VWC2: variants seen among roughly 807,000 people sequenced by gnomAD.
VWC2 encodes the protein von Willebrand factor C domain containing 2.
A neutral mutation model predicts 29.8 loss-of-function variants in VWC2; 14 were observed. That is an observed-to-expected ratio of 0.47 (90% CI 0.31 to 0.74). The LOEUF (loss-of-function observed/expected upper bound fraction) is 0.74. VWC2 is among the 30% of genes least tolerant of loss of function. The probability of loss-of-function intolerance (pLI) is 0.05; values close to 1 mark genes in which losing one functional copy is unlikely to be tolerated. For synonymous variants in VWC2, 213 were observed against 199.0 expected, an observed-to-expected ratio of 1.07 and a Z score of -0.59; for missense variants, 457 against 459.8, an observed-to-expected ratio of 0.99 and a Z score of 0.05.
At chr7:49,890,737 A>C (rs1365928400) in intron 3 of VWC2, among the ~76,000 whole-genome samples, 1 of 152,154 alleles carries the variant, frequency 6.6e-6, no homozygotes, top group South Asian at 2.1e-4. Context: ...AAACAAAAAA[A>C]AAAAAAACTG....
At chr7:49,859,808 A>G (rs867053452) in intron 3 of VWC2, among the ~76,000 whole-genome samples, 2,060 of 152,298 alleles carry the variant, frequency 0.014, 54 homozygotes, top group African/African-American at 0.047. Context: ...ACACACACAC[A>G]CACACACACA....
intron 3 of VWC2, among the ~76,000 whole-genome samples, chr7:49,818,596 C>T (rs930496000): frequency 2.0e-5 from 3 of 151,912 alleles, no homozygotes; most frequent in African/African-American, 7.2e-5. Context: ...TGCAGGACCC[C>T]GAGAGAGAGT....
At chr7:49,910,497 A>G (rs1583818675) in intron 3 of VWC2, among the ~76,000 whole-genome samples, 1 of 152,210 alleles carries the variant, frequency 6.6e-6, no homozygotes, top group East Asian at 1.9e-4. Context: ...TTTAGGATGC[A>G]GTAATTACCA....
chr7:49,843,971 A>ATG (rs1410721571), intron 3 of VWC2, among the ~76,000 whole-genome samples: 2 of 152,202 alleles, frequency 1.3e-5, no homozygotes, highest in African/African-American at 4.8e-5. Context: ...ACAGGGGCCT[A>ATG]TGTGTAAGGG....
intron 3 of VWC2, among the ~76,000 whole-genome samples, chr7:49,834,206 C>T (rs993606959): frequency 6.6e-6 from 1 of 152,138 alleles, no homozygotes; most frequent in Admixed American, 6.5e-5. Context: ...CTGAATATCA[C>T]CGTGTGGGTT....
At chr7:49,871,724 GA>G (rs1791154122) in intron 3 of VWC2, among the ~76,000 whole-genome samples, 1 of 151,696 alleles carries the variant, frequency 6.6e-6, no homozygotes. Flanking sequence ...ATCAGGTAAG[GA>G]AAAAAATCAA....
chr7:49,787,658 C>G (rs989479930), intron 2 of VWC2, among the ~76,000 whole-genome samples: 1 of 152,176 alleles, frequency 6.6e-6, no homozygotes, highest in South Asian at 2.1e-4. Flanking sequence ...GCTTTTGCTG[C>G]GTCACACACA....
At chr7:49,812,061 T>C (rs1789023693) in intron 3 of VWC2, among the ~76,000 whole-genome samples, 1 of 152,204 alleles carries the variant, frequency 6.6e-6, no homozygotes, top group Admixed American at 6.5e-5. Flanking sequence ...TTGCAAAAGA[T>C]TACATATTTT....
intron 3 of VWC2, among the ~76,000 whole-genome samples, chr7:49,882,326 T>G (rs1274684309): frequency 6.6e-6 from 1 of 152,160 alleles, no homozygotes; most frequent in Admixed American, 6.6e-5. Context: ...TGTTAGCACA[T>G]GGCAATAAAA....
chr7:49,798,123 T>C (rs995411272), intron 2 of VWC2, among the ~76,000 whole-genome samples: 1 of 152,360 alleles, frequency 6.6e-6, no homozygotes, highest in Admixed American at 6.5e-5. Flanking sequence ...GCATCTTACC[T>C]TTAGTTTCCA....
chr7:49,903,972 A>G (rs1172444555), intron 3 of VWC2, among the ~76,000 whole-genome samples: 5 of 152,150 alleles, frequency 3.3e-5, no homozygotes, highest in African/African-American at 4.8e-5. Flanking sequence ...ATCAGATGTG[A>G]CATTTACATA....
chr7:49,782,222 C>T (rs1032223635), intron 2 of VWC2, among the ~76,000 whole-genome samples: 2 of 152,312 alleles, frequency 1.3e-5, no homozygotes, highest in South Asian at 2.1e-4. Flanking sequence ...CAGCTGACCA[C>T]ACCCCCCTTG....
At chr7:49,892,031 ATTTTTTTTTTTTTT>A (rs536880676) in intron 3 of VWC2, among the ~76,000 whole-genome samples, 2 of 53,200 alleles carry the variant, frequency 3.8e-5, no homozygotes, top group Non-Finnish European at 6.7e-5. Context: ...GACAAAGTAG[ATTTTTTTTTTTTTT>A]TTTTTTTTTT....
At chr7:49,911,946 C>CAT (rs1294749066) in intron 3 of VWC2, 88 bp from the exon 4 acceptor site, 18 of 744,110 alleles carry the variant, frequency 2.4e-5, no homozygotes, top group African/African-American at 1.1e-4. Flanking sequence ...CACACACACA[C>CAT]ATATATATAC....
rs868419549 is a variant in VWC2 at position 49,861,028 on chromosome 7, A to G, written c.827-51006A>G. Among the ~76,000 whole-genome samples the G allele has an allele frequency of 3.9e-5, 6 of 152,336 alleles. 1 individual carries two copies. The highest frequency in any genetic ancestry group is 6.8e-3 in the Middle Eastern group (2 of 294). On this transcript the variant is annotated intron_variant, in intron 3 of 3. Coordinates refer to ENST00000340652, the MANE Select transcript of VWC2 (RefSeq NM_198570.5). Reference sequence around the variant, plus strand: ...AAATGGTAGCTCTAGGGAACTAAGAAAGTAACTCTGTTTTAATGTTTTTAA... The same window carrying G: ...AAATGGTAGCTCTAGGGAACTAAGAGAGTAACTCTGTTTTAATGTTTTTAA...
At position 49,912,834 on chromosome 7, in the gene VWC2, C is replaced by A. The variant is rs1178575725; in HGVS notation, c.*649C>A. 6.6e-6 allele frequency: 1 copy of A among 152,362 alleles called. No homozygotes were observed. The highest frequency in any genetic ancestry group is 2.4e-5 in the African/African-American group (1 of 41,574). The allele number at this position is 152,362 out of a possible 1,614,324, so 9.4% of individuals were successfully genotyped here. A position where few individuals can be genotyped will look rare whatever the true frequency, so the allele number is the denominator to read the frequency against. On this transcript the variant is annotated 3_prime_UTR_variant, in exon 4 of 4. Coordinates refer to ENST00000340652, the MANE Select transcript of VWC2 (RefSeq NM_198570.5). ...ATCACTAACTCACACTTTCTCAGTT[C>A]TTTCCCCTAAGCTCCTGTATTGTAC...
intron 3 of VWC2, among the ~76,000 whole-genome samples, chr7:49,828,623 T>G (rs2128710842): frequency 6.6e-6 from 1 of 152,330 alleles, no homozygotes; most frequent in South Asian, 2.1e-4. Context: ...TACTGCGTAG[T>G]TAGACTTAGT....
At chr7:49,798,498 G>A (rs1788651834) in intron 2 of VWC2, among the ~76,000 whole-genome samples, 1 of 152,230 alleles carries the variant, frequency 6.6e-6, no homozygotes, top group African/African-American at 2.4e-5. Flanking sequence ...TATCTCAGGA[G>A]GTGGAAGGCA....
At chr7:49,898,033 A>G (rs752092238) in intron 3 of VWC2, among the ~76,000 whole-genome samples, 15 of 152,106 alleles carry the variant, frequency 9.9e-5, no homozygotes, top group Non-Finnish European at 1.5e-4. Flanking sequence ...ATCAGAGCCT[A>G]ACTGATCTGG....
Sources: gnomAD v4.1 joint callset for allele counts (sites outside exome capture counted in the v4.1 genomes callset) on GRCh38, gnomAD v4.1.1 for gene constraint, MANE v1.5 for transcripts, NCBI Gene and HGNC (gene_info 2026-07-23, HGNC 2026-07-21) for gene names.